ABCA12: variants seen among roughly 807,000 people sequenced by gnomAD.
ABCA12 encodes glucosylceramide transporter ABCA12.
Under a neutral mutation model 293.5 loss-of-function variants are expected in ABCA12, and 156 were observed. The observed-to-expected ratio is 0.53, with a 90% CI of 0.47 to 0.61. ABCA12 has a LOEUF of 0.61. ABCA12 is among the 20% of genes least tolerant of loss of function. ABCA12 has a pLI of 0.00. For synonymous variants in ABCA12, 1,063 were observed against 1,108.0 expected (o/e 0.96, Z 0.81); for missense variants, 2,797 against 3,090.2 (o/e 0.91, Z 2.25).
intron 1 of ABCA12, among the ~76,000 whole-genome samples, chr2:215,127,549 C>T (rs1272508962): frequency 6.6e-6 from 1 of 151,936 alleles, no homozygotes; most frequent in Non-Finnish European, 1.5e-5. Context: ...ATATAATGTC[C>T]CTCTTTGTCT....
intron 45 of ABCA12, among the ~76,000 whole-genome samples, chr2:214,950,356 ATATATATATGTGTGTG>A (rs1698717490): frequency 9.1e-6 from 1 of 109,566 alleles, no homozygotes; most frequent in African/African-American, 2.9e-5. Flanking sequence ...GTGTGTGTAT[ATATATATATGTGTGTG>A]TATATATATA....
Position 215,008,236 on chromosome 2 carries a change from AGAGGTTTT to A in ABCA12, c.2473-398_2473-391del, listed in dbSNP as rs1700296032. ...CGTATTGCTGCTGAGAATAGATGTT[AGAGGTTTT>A]TGGAAAGCAATTTGACAATGGCTAT... On this transcript the variant is annotated intron_variant, in intron 18 of 52. Coordinates refer to ENST00000272895, the MANE Select transcript of ABCA12 (RefSeq NM_173076.3). 5.9e-5 allele frequency among the ~76,000 whole-genome samples: 9 copies of A among 152,350 alleles called. No individual in the cohort carries two copies. In the South Asian group the frequency reaches 1.9e-3, roughly 32 times the overall value.
At chr2:215,134,225 CAT>C (rs573868982) in intron 1 of ABCA12, among the ~76,000 whole-genome samples, 16 of 136,448 alleles carry the variant, frequency 1.2e-4, no homozygotes, top group Admixed American at 2.2e-4. Context: ...TCTATTTTAG[CAT>C]ATATATATGT....
Position 215,019,547 on chromosome 2 carries a change from T to C in ABCA12, c.1537A>G (p.Met513Val), listed in dbSNP as rs1422725762. ...TGDPSKINLN[M>V]DQFLEQALQM... ...GACAATGGAAAAACTTACTGATCCA[T>C]ATTTAAATTAATTTTGCTTGGATCT... is the stretch of plus-strand genomic sequence containing the variant. Residue 513 changes from methionine to valine, a missense_variant, in exon 12 of 53, where the codon ATG becomes GTG. By Grantham distance (21) the Met-to-Val change is conservative (BLOSUM62 1). Transcript: ENST00000272895. The C allele has an allele frequency of 6.2e-7, 1 of 1,614,240 alleles. No individual in the cohort carries two copies. Among genetic ancestry groups the C allele is most frequent in the South Asian group, 1.1e-5 (1 of 91,092 alleles).
intron 6 of ABCA12, among the ~76,000 whole-genome samples, chr2:215,048,367 A>G (rs1223642193): frequency 2.6e-5 from 4 of 152,066 alleles, no homozygotes; most frequent in Admixed American, 6.6e-5. Context: ...ATATGCACAC[A>G]TATGTTAACT....
intron 49 of ABCA12, 106 bp downstream of exon 49, chr2:214,944,895 A>G: frequency 1.3e-6 from 1 of 789,714 alleles, no homozygotes; most frequent in Non-Finnish European, 2.2e-6. Flanking sequence ...ATACACACAC[A>G]TATATATGTA....
intron 22 of ABCA12, among the ~76,000 whole-genome samples, chr2:214,998,331 G>GT (rs986027067): frequency 6.6e-6 from 1 of 152,246 alleles, no homozygotes; most frequent in Non-Finnish European, 1.5e-5. Context: ...TTGTTTGTTT[G>GT]TTTTTTAGTA....
At chr2:215,076,338 T>A (rs540252069) in intron 2 of ABCA12, among the ~76,000 whole-genome samples, 1 of 152,340 alleles carries the variant, frequency 6.6e-6, no homozygotes, top group African/African-American at 2.4e-5. Context: ...TGGTGGTATG[T>A]TCCCACGTTG....
At chr2:215,085,088 C>CAAAAAA (rs34532043) in intron 2 of ABCA12, among the ~76,000 whole-genome samples, 1 of 95,798 alleles carries the variant, frequency 1.0e-5, no homozygotes, top group Admixed American at 1.3e-4. Context: ...ACCCTGTCTC[C>CAAAAAA]AAAAAAAAAA....
intron 1 of ABCA12, 90 bp downstream of exon 1, chr2:215,138,050 T>G (rs966680955): frequency 3.8e-6 from 5 of 1,316,924 alleles, no homozygotes; most frequent in Non-Finnish European, 5.5e-6. Flanking sequence ...CTTTAAACTC[T>G]TCTGTTTTCA....
At position 214,975,980 on chromosome 2, in the gene ABCA12, A is replaced by G. The variant is rs1354661204; in HGVS notation, c.5186T>C (p.Ile1729Thr). The change falls in exon 34 of 53, where the codon ATC (isoleucine) becomes ACC (threonine). Residue 1729 changes from isoleucine (I) to threonine (T), a missense_variant. This residue lies in a region of ABCA12 where 2,130 missense variants were observed against 2,427.0 expected (regional missense o/e 0.88). Transcript: ENST00000272895. ...GAACCTCTTGATGAGTATAGCCATG[A>G]TCTTCTTCAGCAACAGTCCAAAGCC... ...LDGFGLLLKK[I>T]MAILIKRFHH... 1.9e-6 allele frequency: 3 copies of G among 1,613,954 alleles called. No homozygotes were observed. The highest frequency in any genetic ancestry group is 2.5e-6 in the Non-Finnish European group (3 of 1,179,998).
intron 40 of ABCA12, 111 bp downstream of exon 40, chr2:214,958,913 C>T: frequency 8.5e-6 from 10 of 1,177,254 alleles, no homozygotes; most frequent in East Asian, 4.7e-5. Context: ...ATTACCAGCC[C>T]TTCTAGATTG....
Position 215,010,355 on chromosome 2 carries a change from T to G in ABCA12, c.2448A>C (p.Pro816=). The G allele has an allele frequency of 6.2e-7, 1 of 1,613,800 alleles. No homozygotes were observed. Among genetic ancestry groups the G allele is most frequent in the Non-Finnish European group, 8.5e-7 (1 of 1,179,744 alleles). Residue 816 remains proline (P), a synonymous_variant, in exon 18 of 53, where the codon CCA becomes CCC. Coordinates refer to ENST00000272895, the MANE Select transcript of ABCA12 (RefSeq NM_173076.3). ...LGRILYAPYN[P]VTKAIMEKSN... ...CCTTTTCCATTATTGCCTTTGTGAC[T>G]GGGTTATATGGTGCATACAAAATTC...
chr2:215,025,575 G>T, intron 11 of ABCA12, 98 bp downstream of exon 11: 4 of 799,140 alleles, frequency 5.0e-6, no homozygotes, highest in Non-Finnish European at 4.0e-6. Context: ...AGTGTATCTT[G>T]CCAAATATTA....
intron 1 of ABCA12, among the ~76,000 whole-genome samples, chr2:215,135,703 T>C (rs1005715719): frequency 4.6e-5 from 7 of 152,232 alleles, no homozygotes; most frequent in Admixed American, 4.6e-4. Context: ...TCATTTCACA[T>C]TTTGTCTGTC....
chr2:215,005,305 C>A (rs967799507), intron 19 of ABCA12, among the ~76,000 whole-genome samples: 6 of 152,214 alleles, frequency 3.9e-5, no homozygotes, highest in Non-Finnish European at 8.8e-5. Flanking sequence ...TGTGTAAATT[C>A]ATGGCCTGGT....
intron 2 of ABCA12, among the ~76,000 whole-genome samples, chr2:215,094,953 C>A (rs1038739811): frequency 2.0e-5 from 3 of 152,094 alleles, no homozygotes; most frequent in African/African-American, 7.2e-5. Context: ...GCTTCTCCAC[C>A]TACATGTGTC....
At chr2:214,974,121 A>G (rs1357490074) in intron 35 of ABCA12, 79 bp from the exon 36 acceptor site, 3 of 1,281,036 alleles carry the variant, frequency 2.3e-6, no homozygotes, top group African/African-American at 2.9e-5. Context: ...GTAAACAAGT[A>G]TTTGGTATTA....
Position 214,937,509 on chromosome 2 carries a change from C to A in ABCA12, c.7542+1G>T. Reference sequence around the variant, plus strand: ...CACTGCACCCAGCCATCATCACTTACTTTTAAGTATGTTTTTGGAAAGTGC... The same window carrying A: ...CACTGCACCCAGCCATCATCACTTAATTTTAAGTATGTTTTTGGAAAGTGC... On this transcript the variant is annotated splice_donor_variant, in intron 51 of 52. Transcript: ENST00000272895. LOFTEE classifies it high-confidence loss of function. 1 of 1,612,116 alleles carries A rather than the reference C, an allele frequency of 6.2e-7. No individual in the cohort carries two copies. Among genetic ancestry groups the A allele is most frequent in the African/African-American group, 1.3e-5 (1 of 74,962 alleles).
Sources: allele counts gnomAD v4.1 joint callset (sites outside exome capture counted in the v4.1 genomes callset), GRCh38; gene constraint gnomAD v4.1.1; regional missense constraint gnomAD v4.1.1; transcripts MANE v1.5; gene names NCBI Gene and HGNC (gene_info 2026-07-23, HGNC 2026-07-21).